ZNF782: variants seen among roughly 807,000 people sequenced by gnomAD.
ZNF782 encodes the protein zinc finger protein 782.
A neutral mutation model predicts 13.0 loss-of-function variants in ZNF782; 12 were observed. The ratio of observed to expected loss-of-function variants is 0.92; its 90% CI spans 0.59 to 1.50. The LOEUF (loss-of-function observed/expected upper bound fraction) is 1.50. Among genes scored for constraint, ZNF782 ranks in the 40% most tolerant of loss-of-function variants. ZNF782 has a pLI of 0.00. For missense variants in ZNF782, 770 were observed against 822.9 expected (o/e 0.94, Z 0.79); for synonymous variants, 284 against 283.0 (o/e 1.00, Z -0.04).
chr9:96,847,427 T>C (rs1214083522), intron 3 of ZNF782, among the ~76,000 whole-genome samples: 1 of 152,146 alleles, frequency 6.6e-6, no homozygotes, highest in Non-Finnish European at 1.5e-5. Flanking sequence ...TCAGCTAGAT[T>C]GACCAAGAAA....
At chr9:96,882,501 C>T in the ZNF782 span, among the ~76,000 whole-genome samples, 1 of 152,040 alleles carries the variant, frequency 6.6e-6, no homozygotes, top group Non-Finnish European at 1.5e-5. Context: ...TTCTCTTTTC[C>T]ATTGTAAATT....
At chr9:96,905,060 C>T in the ZNF782 span, among the ~76,000 whole-genome samples, 6 of 149,692 alleles carry the variant, frequency 4.0e-5, no homozygotes, top group Non-Finnish European at 8.8e-5. Flanking sequence ...GTGTTGGTGT[C>T]AGAGGCATTT....
chr9:96,853,644 T>C (rs1851570133), intron 1 of ZNF782, among the ~76,000 whole-genome samples: 1 of 152,206 alleles, frequency 6.6e-6, no homozygotes, highest in African/African-American at 2.4e-5. Flanking sequence ...ATTTGACACA[T>C]GGTAAGATTC....
chr9:96,821,953 C>T (rs563361030), intron 5 of ZNF782, among the ~76,000 whole-genome samples: 13 of 152,286 alleles, frequency 8.5e-5, no homozygotes, highest in African/African-American at 2.4e-4. Flanking sequence ...CGTAAGCCAC[C>T]GCGCCTGGCC....
At chr9:96,925,437 A>C in the ZNF782 span, among the ~76,000 whole-genome samples, 26 of 152,270 alleles carry the variant, frequency 1.7e-4, no homozygotes, top group Admixed American at 7.2e-4. Flanking sequence ...CGGGGGTTCG[A>C]GACCAGCCTG....
Position 96,819,391 on chromosome 9 carries a change from A to G in ZNF782, c.632T>C (p.Leu211Pro), listed in dbSNP as rs762230110. 5 of 1,605,570 alleles carry G rather than the reference A, an allele frequency of 3.1e-6. No individual in the cohort carries two copies. The highest frequency in any genetic ancestry group is 4.2e-6 in the Non-Finnish European group (5 of 1,177,088). ...TTCATTATATTCAAAATCTTGCCCC[A>G]GAGTCTGAATTGTCTGATGTTGAAT... ...EVIQHQTIQT[L>P]GQDFEYNESR... Residue 211 changes from leucine to proline, a missense_variant, in exon 6 of 6, where the codon CTG becomes CCG. Coordinates refer to ENST00000481138, the MANE Select transcript of ZNF782 (RefSeq NM_001001662.3).
At chr9:96,897,626 G>A in the ZNF782 span, among the ~76,000 whole-genome samples, 1 of 151,174 alleles carries the variant, frequency 6.6e-6, no homozygotes, top group Non-Finnish European at 1.5e-5. Context: ...AGCCCCATCT[G>A]AGGATGCTGG....
At chr9:96,887,850 G>A in the ZNF782 span, 5 of 151,992 alleles carry the variant, frequency 3.3e-5, no homozygotes, top group Non-Finnish European at 4.4e-5. Context: ...AAAATATGAC[G>A]AGTTCATGTC....
At chr9:96,905,678 T>G in the ZNF782 span, among the ~76,000 whole-genome samples, 1 of 152,118 alleles carries the variant, frequency 6.6e-6, no homozygotes, top group Non-Finnish European at 1.5e-5. Context: ...CTCTGCCTCC[T>G]GGGTTCAAGC....
At chr9:96,878,493 G>T (rs1264011321), upstream of ZNF782, among the ~76,000 whole-genome samples, 1 of 152,170 alleles carries the variant, frequency 6.6e-6, no homozygotes, top group African/African-American at 2.4e-5. Context: ...ACGACCAATT[G>T]TCCACTGATG....
At position 96,818,071 on chromosome 9, in the gene ZNF782, C is replaced by T; in HGVS notation, c.1952G>A (p.Cys651Tyr). Residue 651 changes from cysteine to tyrosine, a missense_variant, in exon 6 of 6, where the codon TGT (cysteine) becomes TAT (tyrosine). By Grantham distance (194) the Cys-to-Tyr change is radical. Coordinates refer to ENST00000481138, the MANE Select transcript of ZNF782 (RefSeq NM_001001662.3). The part of the protein sequence containing the change: ...TGEKPYNCNQ[C>Y]GEAFSQKSNL... ...GGATTTCTGACTGAAAGCTTCCCCA[C>T]ACTGATTACAATTATATGGTTTCTC... The T allele has an allele frequency of 6.2e-7, 1 of 1,613,982 alleles. No homozygotes were observed. The highest frequency in any genetic ancestry group is 8.5e-7 in the Non-Finnish European group (1 of 1,179,984).
intron 1 of ZNF782, among the ~76,000 whole-genome samples, chr9:96,864,178 A>C (rs1178979384): frequency 6.7e-6 from 1 of 150,338 alleles, no homozygotes; most frequent in African/African-American, 2.4e-5. Context: ...TCCTATTCAG[A>C]AAATTTGCTG....
chr9:96,877,558 G>C (rs528119817), upstream of ZNF782, among the ~76,000 whole-genome samples: 2 of 152,376 alleles, frequency 1.3e-5, no homozygotes, highest in Admixed American at 1.3e-4. Context: ...AAGACTGGGG[G>C]CTTCCCCATA....
At chr9:96,877,968 C>T (rs1180165786), upstream of ZNF782, among the ~76,000 whole-genome samples, 1 of 152,176 alleles carries the variant, frequency 6.6e-6, no homozygotes, top group African/African-American at 2.4e-5. Context: ...AAACAGTCAA[C>T]CCAACCATAT....
the ZNF782 span, among the ~76,000 whole-genome samples, chr9:96,929,471 T>TA: frequency 6.6e-6 from 1 of 151,538 alleles, no homozygotes; most frequent in Admixed American, 6.6e-5. Context: ...TTCTAGTTCT[T>TA]AGAGAGGAGT....
At chr9:96,876,315 T>G (rs1851892174), upstream of ZNF782, among the ~76,000 whole-genome samples, 1 of 152,230 alleles carries the variant, frequency 6.6e-6, no homozygotes, top group African/African-American at 2.4e-5. Context: ...GGATAGTTAA[T>G]TCACTTTACA....
At chr9:96,830,071 G>T (rs1167728905) in intron 4 of ZNF782, among the ~76,000 whole-genome samples, 1 of 152,148 alleles carries the variant, frequency 6.6e-6, no homozygotes, top group Non-Finnish European at 1.5e-5. Context: ...ACATGAATGT[G>T]GAGATGGAAA....
intron 3 of ZNF782, among the ~76,000 whole-genome samples, chr9:96,849,799 CAAAT>C (rs892006803): frequency 1.7e-4 from 25 of 151,450 alleles, no homozygotes; most frequent in African/African-American, 5.6e-4. Context: ...ACAAGGAACT[CAAAT>C]AAACCAGCAA....
intron 4 of ZNF782, among the ~76,000 whole-genome samples, chr9:96,840,271 A>T (rs1214314740): frequency 2.6e-5 from 4 of 151,904 alleles, no homozygotes; most frequent in Non-Finnish European, 5.9e-5. Context: ...CTCTGTACTC[A>T]CTATCTTTTC....
Sources: gnomAD v4.1 joint callset for allele counts (sites outside exome capture counted in the v4.1 genomes callset) on GRCh38, gnomAD v4.1.1 for gene constraint, MANE v1.5 for transcripts, NCBI Gene and HGNC (gene_info 2026-07-23, HGNC 2026-07-21) for gene names.